Variants in MUTYH observed in about 807,000 individuals in gnomAD.
The protein encoded by MUTYH is adenine DNA glycosylase.
In MUTYH, 64 loss-of-function variants were observed where a neutral mutation model predicts 72.9. The observed-to-expected ratio is 0.88, with a 90% CI of 0.72 to 1.08. MUTYH has a LOEUF of 1.08. Among genes scored for constraint, MUTYH ranks in the 50% least tolerant of loss-of-function variants. MUTYH has a pLI of 0.00. For synonymous variants in MUTYH, 234 were observed against 263.1 expected, an observed-to-expected ratio of 0.89 and a Z score of 1.07; for missense variants, 633 against 671.0, an observed-to-expected ratio of 0.94 and a Z score of 0.63.
chr1:45,339,921 C>G lies in MUTYH; in HGVS notation c.-29G>C. On this transcript the variant is annotated 5_prime_UTR_variant, in exon 1 of 16. Coordinates refer to ENST00000456914, the MANE Select transcript of MUTYH (RefSeq NM_001048174.2). The stretch of plus-strand genomic sequence containing the variant: ...TACCCGCGGCCCACGCTGATGAAGA[C>G]AGCAGAACACGGAGGCCCCGCGTTC... The G allele has an allele frequency of 6.9e-7, 1 of 1,446,636 alleles. No individual in the cohort carries two copies. The highest frequency in any genetic ancestry group is 9.3e-7 in the Non-Finnish European group (1 of 1,079,938). The allele number at this position is 1,446,636 out of a possible 1,614,324, so 89.6% of individuals were successfully genotyped here. A position where few individuals can be genotyped will look rare whatever the true frequency, so the allele number is the denominator to read the frequency against.
At chr1:45,340,384 G>C, upstream of MUTYH, 2 of 1,550,452 alleles carry the variant, frequency 1.3e-6, no homozygotes, top group Admixed American at 2.0e-5. Context: ...AGTTCTAGAG[G>C]CTCCTCAAGC....
chr1:45,339,217 T>TC (rs1646505308), intron 1 of MUTYH, among the ~76,000 whole-genome samples: 1 of 149,848 alleles, frequency 6.7e-6, no homozygotes, highest in African/African-American at 2.5e-5. Context: ...TTTTTTTTTT[T>TC]TTTTTTTTTT....
At chr1:45,333,259 G>A in intron 4 of MUTYH, 26 bp downstream of exon 4, 2 of 1,614,174 alleles carry the variant, frequency 1.2e-6, no homozygotes, top group East Asian at 4.5e-5. Flanking sequence ...AGGCAAAGTG[G>A]CCCTGCTCTC....
rs140774290 is a variant in MUTYH at position 45,336,497 on chromosome 1, T to C, written c.-6-1986A>G. On this transcript the variant is annotated intron_variant, in intron 1 of 15. Transcript: ENST00000456914. ...ACATTCCACCACTGTGATTTGTTTCTGCCCCACGCTAACTGATCAATGTAC... is the reference window on the plus strand; with the variant it reads ...ACATTCCACCACTGTGATTTGTTTCCGCCCCACGCTAACTGATCAATGTAC... 2.2e-3 allele frequency among the ~76,000 whole-genome samples: 336 copies of C among 152,348 alleles called. 5 individuals are homozygous for C. The highest frequency in any genetic ancestry group is 7.8e-3 in the African/African-American group (323 of 41,568).
Position 45,331,318 on chromosome 1 carries a change from GAGA to G in MUTYH, c.1253_1255del (p.Phe418del), listed in dbSNP as rs747232389. Reference sequence around the variant, plus strand: ...TACTTGATATGTCAGCTTGATGTGAGAGAAGGTGTGGACAACCTGGAGGAAGGG... The same window carrying G: ...TACTTGATATGTCAGCTTGATGTGAGAGGTGTGGACAACCTGGAGGAAGGG... On this transcript the variant is annotated inframe_deletion, in exon 14 of 16. Transcript: ENST00000456914. The G allele has an allele frequency of 1.9e-6, 3 of 1,614,216 alleles. No individual in the cohort carries two copies. Among genetic ancestry groups the G allele is most frequent in the South Asian group, 2.2e-5 (2 of 91,082 alleles).
In MUTYH at chr1:45,339,821, T is replaced by C. The variant is rs1321992553; in HGVS notation, c.-7+78A>G. 1.6e-5 allele frequency: 21 copies of C among 1,313,788 alleles called. No individual in the cohort carries two copies. In the East Asian group the frequency reaches 9.1e-4, roughly 57 times the overall value. 81.4% of individuals were successfully genotyped at this position (1,313,788 alleles called of 1,614,324 possible). On this transcript the variant is annotated intron_variant, in intron 1 of 15. Transcript: ENST00000456914. Reference sequence around the variant, plus strand: ...CACGACCCTCTCCTAGTCTAACTCCTGGGCGTGCTTTAAGCTCAGCTCAGG... The same window carrying C: ...CACGACCCTCTCCTAGTCTAACTCCCGGGCGTGCTTTAAGCTCAGCTCAGG...
At chr1:45,329,542 G>A (rs1387718339) in intron 15 of MUTYH, 105 bp from the exon 16 acceptor site, 2 of 1,458,268 alleles carry the variant, frequency 1.4e-6, no homozygotes, top group East Asian at 4.6e-5. Context: ...ATCTAGCTAG[G>A]CTTAGCCTGG....
intron 15 of MUTYH, among the ~76,000 whole-genome samples, chr1:45,329,702 CCTGA>C (rs1301291366): frequency 2.6e-5 from 4 of 152,114 alleles, no homozygotes; most frequent in African/African-American, 7.2e-5. Context: ...GGGCTCACAC[CCTGA>C]CTGACCCAGC....
At position 45,331,409 on chromosome 1, in the gene MUTYH, T is replaced by A; in HGVS notation, c.1239+11A>T. The A allele has an allele frequency of 6.2e-7, 1 of 1,614,244 alleles. No individual in the cohort carries two copies. The highest frequency in any genetic ancestry group is 2.2e-5 in the East Asian group (1 of 44,884). On this transcript the variant is annotated intron_variant, in intron 13 of 15. Coordinates refer to ENST00000456914, the MANE Select transcript of MUTYH (RefSeq NM_001048174.2). The stretch of plus-strand genomic sequence containing the variant: ...AAGCCAACATCCTTGGCTATTCCGC[T>A]GCTCACTTACCTCCCCAAGGTGCCG...
At position 45,332,606 on chromosome 1, in the gene MUTYH, C is replaced by T. The variant is rs1489217206; in HGVS notation, c.574G>A (p.Ala192Thr). 6.2e-7 allele frequency: 1 copy of T among 1,614,172 alleles called. No homozygotes were observed. The highest frequency in any genetic ancestry group is 8.5e-7 in the Non-Finnish European group (1 of 1,180,024). Residue 192 changes from alanine to threonine, a missense_variant, in exon 8 of 16, where the codon GCT (alanine) becomes ACT (threonine). Physicochemically the swap from Ala to Thr is moderately conservative, Grantham distance 58 (BLOSUM62 0). Coordinates refer to ENST00000456914, the MANE Select transcript of MUTYH (RefSeq NM_001048174.2). ...AAGGCGATAGAGGCAATGGCCCCAG[C>T]TGTGTAGCGCCCCACGCCAGGCAGG... ...QLLPGVGRYT[A>T]GAIASIAFGQ... is the part of the protein sequence containing the mutation.
chr1:45,332,281 G>A lies in MUTYH; in HGVS notation c.734C>T (p.Ala245Val), dbSNP rs1553127798. Reference sequence around the variant, plus strand: ...TGCTTGGTTGAAATCTCCTGGCCGGGCTGGGTCCACCAGCTGCTGGGCTAG... The same window carrying A: ...TGCTTGGTTGAAATCTCCTGGCCGGACTGGGTCCACCAGCTGCTGGGCTAG... ...WGLAQQLVDP[A>V]RPGDFNQAAM... The change falls in exon 10 of 16, where the codon GCC (alanine) becomes GTC (valine). Residue 245 changes from alanine to valine, a missense_variant. Ala to Val is a moderately conservative substitution (Grantham distance 64). Transcript: ENST00000456914. The A allele has an allele frequency of 2.5e-6, 4 of 1,614,116 alleles. No individual in the cohort carries two copies. The highest frequency in any genetic ancestry group is 3.4e-6 in the Non-Finnish European group (4 of 1,179,988).
intron 2 of MUTYH, 147 bp from the exon 3 acceptor site, chr1:45,333,708 G>A: frequency 8.2e-7 from 1 of 1,217,834 alleles, no homozygotes; most frequent in Non-Finnish European, 1.1e-6. Context: ...TCAGACCAGA[G>A]TTATGTAATT....
chr1:45,338,728 G>T lies in MUTYH; in HGVS notation c.-7+1171C>A, dbSNP rs575545384. On this transcript the variant is annotated intron_variant, in intron 1 of 15. Transcript: ENST00000456914. ...TTTTTTAGGATAGGAGAAATCCAAAGAGTTTTTTTATTTTTGTTTTTTTTT... is the reference window on the plus strand; with the variant it reads ...TTTTTTAGGATAGGAGAAATCCAAATAGTTTTTTTATTTTTGTTTTTTTTT... 3 of 157,072 alleles carry T rather than the reference G, an allele frequency of 1.9e-5. No homozygotes were observed. The East Asian group carries it at 3.7e-4, about 20-fold the overall frequency. The allele number at this position is 157,072 out of a possible 1,614,324, so 9.7% of individuals were successfully genotyped here.
In MUTYH at chr1:45,333,447, T is replaced by C. The variant is rs1557485832; in HGVS notation, c.230A>G (p.Asp77Gly). ...AFRGSLLSWY[D>G]QEKRDLPWRR... is the part of the protein sequence containing the mutation. ...CCATGGTAGGTCCCGTTTCTCTTGG[T>C]CGTACCAGCTTAGCAGGCTCCCTCG... Residue 77 changes from aspartate to glycine, a missense_variant, in exon 3 of 16, where the codon GAC becomes GGC. Transcript: ENST00000456914. The C allele has an allele frequency of 1.9e-6, 3 of 1,614,236 alleles. No homozygotes were observed. Among genetic ancestry groups the C allele is most frequent in the Non-Finnish European group, 2.5e-6 (3 of 1,180,026 alleles).
Position 45,332,672 on chromosome 1 carries a change from C to G in MUTYH, c.508G>C (p.Gly170Arg). The G allele has an allele frequency of 1.2e-6, 2 of 1,614,152 alleles. No homozygotes were observed. The highest frequency in any genetic ancestry group is 1.7e-6 in the Non-Finnish European group (2 of 1,179,982). Residue 170 changes from glycine (G) to arginine (R), a missense_variant, in exon 8 of 16, where the codon GGG becomes CGG. Gly to Arg is a moderately radical substitution (Grantham distance 125). Coordinates refer to ENST00000456914, the MANE Select transcript of MUTYH (RefSeq NM_001048174.2). ...EGARKVVEEL[G>R]GHMPRTAETL... is the part of the protein sequence containing the mutation. ...TCTGCTGTACGTGGCATGTGGCCCC[C>G]TAGCTCCTCTACCACCTGATTGGAG...
At chr1:45,336,841 G>A (rs1487741011) in intron 1 of MUTYH, among the ~76,000 whole-genome samples, 1 of 152,118 alleles carries the variant, frequency 6.6e-6, no homozygotes, top group Non-Finnish European at 1.5e-5. Context: ...CACGAACTCT[G>A]TAGGGAGATG....
At position 45,338,574 on chromosome 1, in the gene MUTYH, A is replaced by G. The variant is rs540007693; in HGVS notation, c.-7+1325T>C. ...TACTTCCTGAATTTGACTGTAAAAA[A>G]CGACTTGAGTGCAAGGACTGATTCT... On this transcript the variant is annotated intron_variant, in intron 1 of 15. Coordinates refer to ENST00000456914, the MANE Select transcript of MUTYH (RefSeq NM_001048174.2). The G allele has an allele frequency of 3.8e-5, 11 of 291,012 alleles. No homozygotes were observed. In the East Asian group the frequency reaches 6.0e-4, roughly 16 times the overall value. The allele number at this position is 291,012 out of a possible 1,614,324, so 18.0% of individuals were successfully genotyped here.
At chr1:45,340,359 A>G (rs1570595054), upstream of MUTYH, 4 of 1,575,014 alleles carry the variant, frequency 2.5e-6, no homozygotes, top group South Asian at 1.2e-5. Context: ...GGAGAGGGGA[A>G]GGCCTCGGGC....
chr1:45,334,642 G>T, intron 1 of MUTYH, 131 bp from the exon 2 acceptor site: 1 of 1,341,386 alleles, frequency 7.5e-7, no homozygotes, highest in Non-Finnish European at 1.0e-6. Context: ...GCACTCTCAA[G>T]ATGCTCACGG....
Sources: gnomAD v4.1 joint callset for allele counts (sites outside exome capture counted in the v4.1 genomes callset) on GRCh38, gnomAD v4.1.1 for gene constraint, MANE v1.5 for transcripts, NCBI Gene and HGNC (gene_info 2026-07-23, HGNC 2026-07-21) for gene names.